CTDP1: variants seen among roughly 807,000 people sequenced by gnomAD.
The protein encoded by CTDP1 is RNA polymerase II subunit A C-terminal domain phosphatase.
CTDP1 carries 47 observed loss-of-function variants against 91.8 expected under a neutral mutation model. The ratio of observed to expected loss-of-function variants is 0.51; its 90% CI spans 0.41 to 0.65. CTDP1 has a LOEUF of 0.65. Among genes scored for constraint, CTDP1 ranks in the 30% least tolerant of loss-of-function variants. The pLI, the probability that CTDP1 is intolerant of heterozygous loss-of-function variation, is 0.00. For synonymous variants in CTDP1, 656 were observed against 598.5 expected, an observed-to-expected ratio of 1.10 and a Z score of -1.40; for missense variants, 1,272 against 1,373.7, an observed-to-expected ratio of 0.93 and a Z score of 1.17.
intron 3 of CTDP1, 114 bp from the exon 4 acceptor site, chr18:79,697,746 T>G: frequency 6.7e-7 from 1 of 1,485,664 alleles, no homozygotes; most frequent in Non-Finnish European, 9.3e-7. Context: ...CCATGGAGCG[T>G]GGGGGGCTGG....
chr18:79,688,322 C>T (rs2085549604), intron 1 of CTDP1, among the ~76,000 whole-genome samples: 2 of 152,232 alleles, frequency 1.3e-5, no homozygotes, highest in African/African-American at 4.8e-5. Context: ...TGGAGTGCAG[C>T]GGTGCAATCT....
upstream of CTDP1, chr18:79,679,217 C>T: frequency 2.9e-6 from 1 of 346,366 alleles, no homozygotes; most frequent in East Asian, 8.4e-5. Context: ...TGCCCCTGCG[C>T]TTCCGCATCG....
rs1437690816 is a variant in CTDP1, at chr18:79,744,345, CAG to C, written c.2747+7826_2747+7827del. Reference sequence around the variant, plus strand: ...TTTTTAAGTTAAGTGAGACCTGACACAGATACTTGGAGTTCACAAAAGGAACC... The same window carrying C: ...TTTTTAAGTTAAGTGAGACCTGACACATACTTGGAGTTCACAAAAGGAACC... On this transcript the variant is annotated intron_variant, in intron 12 of 12. Transcript: ENST00000613122. Among the ~76,000 whole-genome samples the C allele has an allele frequency of 3.3e-5, 5 of 152,340 alleles. No homozygotes were observed. The East Asian group carries it at 9.6e-4, about 29-fold the overall frequency.
Position 79,701,402 on chromosome 18 carries a change from C to T in CTDP1, c.622-3365C>T, listed in dbSNP as rs530230983. ...GCGGGTGCCTGTAGTCCCAGCTACT[C>T]GGGAGGCTGAGGCAGGAGAATGGCG... On this transcript the variant is annotated intron_variant, in intron 4 of 12. Transcript: ENST00000613122. 2.4e-3 allele frequency among the ~76,000 whole-genome samples: 362 copies of T among 151,700 alleles called. 1 individual carries two copies. The highest frequency in any genetic ancestry group is 3.8e-3 in the Non-Finnish European group (259 of 67,862).
chr18:79,707,284 G>T (rs996825417), intron 5 of CTDP1, among the ~76,000 whole-genome samples: 4 of 152,224 alleles, frequency 2.6e-5, no homozygotes, highest in African/African-American at 7.2e-5. Flanking sequence ...GGTGAGAGAT[G>T]AAGCAGGTGA....
chr18:79,690,810 G>T lies in CTDP1; in HGVS notation c.315-4415G>T, dbSNP rs1022981299. On this transcript the variant is annotated intron_variant, in intron 1 of 12. Coordinates refer to ENST00000613122, the MANE Select transcript of CTDP1 (RefSeq NM_004715.5). ...CCAGCCACTACAGGAGTCCTGGGGT[G>T]GGGGGTGGAGCAGAGCCTGCACTAG... 2.6e-5 allele frequency among the ~76,000 whole-genome samples: 4 copies of T among 152,316 alleles called. No homozygotes were observed. The East Asian group carries it at 5.8e-4, about 22-fold the overall frequency.
At chr18:79,679,429 T>C (rs1159463025), upstream of CTDP1, 1 of 455,858 alleles carries the variant, frequency 2.2e-6, no homozygotes, top group South Asian at 1.5e-5. Context: ...CGGCTCGCGG[T>C]GCATGCCGGA....
chr18:79,706,322 AAT>A (rs756875629), intron 5 of CTDP1, among the ~76,000 whole-genome samples: 15 of 152,164 alleles, frequency 9.9e-5, no homozygotes, highest in Non-Finnish European at 2.1e-4. Context: ...ACTGTGTGGA[AAT>A]AGACCCCCAA....
chr18:79,750,090 A>G (rs542646976), intron 12 of CTDP1: 4 of 149,940 alleles, frequency 2.7e-5, no homozygotes, highest in African/African-American at 9.9e-5. Context: ...CATGGAGGGG[A>G]AGCGGGCGGT....
intron 10 of CTDP1, among the ~76,000 whole-genome samples, chr18:79,725,001 T>A (rs694063): frequency 0.76 from 115,959 of 152,102 alleles, 44,456 homozygotes; most frequent in Middle Eastern, 0.79. Flanking sequence ...GTTTTCTGTG[T>A]GTTGTTATCA....
chr18:79,682,508 C>T (rs548993904), intron 1 of CTDP1, among the ~76,000 whole-genome samples: 2 of 152,228 alleles, frequency 1.3e-5, no homozygotes, highest in Non-Finnish European at 2.9e-5. Context: ...AGCTCAGCAG[C>T]TCTTTATACA....
intron 10 of CTDP1, 102 bp from the exon 11 acceptor site, chr18:79,728,805 T>C (rs2086504426): frequency 7.6e-7 from 1 of 1,314,966 alleles, no homozygotes. Flanking sequence ...TGTTGGGGTG[T>C]GTGAGTGTTT....
intron 12 of CTDP1, among the ~76,000 whole-genome samples, chr18:79,744,135 C>T (rs1489366592): frequency 1.3e-5 from 2 of 152,164 alleles, no homozygotes; most frequent in African/African-American, 4.8e-5. Flanking sequence ...CCTGGAAGTC[C>T]CTCCCTGGTT....
At chr18:79,689,854 A>G (rs991069465) in intron 1 of CTDP1, among the ~76,000 whole-genome samples, 1 of 152,154 alleles carries the variant, frequency 6.6e-6, no homozygotes, top group African/African-American at 2.4e-5. Context: ...TGTTATTGTT[A>G]TTATTTGCCT....
intron 1 of CTDP1, among the ~76,000 whole-genome samples, chr18:79,688,372 C>T (rs138084572): frequency 1.3e-5 from 2 of 152,280 alleles, no homozygotes; most frequent in African/African-American, 4.8e-5. Context: ...TCAAGCGATT[C>T]TCCTGCCTCG....
At chr18:79,737,825 C>T (rs979804370) in intron 12 of CTDP1, among the ~76,000 whole-genome samples, 4 of 152,182 alleles carry the variant, frequency 2.6e-5, no homozygotes, top group African/African-American at 7.2e-5. Context: ...TGTGGAATGA[C>T]GCAGTGTTTC....
In CTDP1 at chr18:79,717,438, G is replaced by A. The variant is rs905060612; in HGVS notation, c.2069-97G>A. ...AGTGAGGGCCCTGAGCCCTGGTGGGGTACAGCCAGGTGAGGGCCCTGGTGG... is the reference window on the plus strand; with the variant it reads ...AGTGAGGGCCCTGAGCCCTGGTGGGATACAGCCAGGTGAGGGCCCTGGTGG... On this transcript the variant is annotated intron_variant, in intron 8 of 12. Transcript: ENST00000613122. The A allele has an allele frequency of 4.9e-5, 76 of 1,555,384 alleles. No homozygotes were observed. In the African/African-American group the frequency reaches 9.3e-4, roughly 19 times the overall value.
Position 79,728,974 on chromosome 18 carries a change from C to G in CTDP1, c.2485C>G (p.Pro829Ala), listed in dbSNP as rs199995912. Reference sequence around the variant, plus strand: ...GCCTGACGCTCAGGACGGAGAGCAGCCTGGCCCTTCTAGAAGAAAGCGACA... The same window carrying G: ...GCCTGACGCTCAGGACGGAGAGCAGGCTGGCCCTTCTAGAAGAAAGCGACA... ...ELPDAQDGEQ[P>A]GPSRRKRQPS... Residue 829 changes from proline (P) to alanine (A), a missense_variant, in exon 11 of 13, where the codon CCT (proline) becomes GCT (alanine). Physicochemically the swap from Pro to Ala is conservative, Grantham distance 27 (BLOSUM62 -1). This residue lies in a region of CTDP1 where 881 missense variants were observed against 911.6 expected (regional missense o/e 0.97). Coordinates refer to ENST00000613122, the MANE Select transcript of CTDP1 (RefSeq NM_004715.5). 1 of 1,614,172 alleles carries G rather than the reference C, an allele frequency of 6.2e-7. No homozygotes were observed. Among genetic ancestry groups the G allele is most frequent in the Non-Finnish European group, 8.5e-7 (1 of 1,180,042 alleles).
intron 10 of CTDP1, among the ~76,000 whole-genome samples, chr18:79,727,549 G>C (rs2086476600): frequency 1.3e-5 from 2 of 152,208 alleles, no homozygotes; most frequent in South Asian, 4.1e-4. Flanking sequence ...GGGCCGCCGT[G>C]AAGAGTGGAC....
Sources: allele counts gnomAD v4.1 joint callset (sites outside exome capture counted in the v4.1 genomes callset), GRCh38; gene constraint gnomAD v4.1.1; regional missense constraint gnomAD v4.1.1; transcripts MANE v1.5; gene names NCBI Gene and HGNC (gene_info 2026-07-23, HGNC 2026-07-21).